FAF2: variants seen among roughly 807,000 people sequenced by gnomAD.
The protein encoded by FAF2 is FAS-associated factor 2.
FAF2 carries 9 observed loss-of-function variants against 62.3 expected under a neutral mutation model. The ratio of observed to expected loss-of-function variants is 0.14; its 90% CI spans 0.09 to 0.25. FAF2 has a LOEUF of 0.25. Ranked by LOEUF, FAF2 falls within the 10% of genes least tolerant of loss-of-function variation. The pLI is 1.00. For missense variants in FAF2, 368 were observed against 556.2 expected (o/e 0.66, Z 3.40); for synonymous variants, 202 against 198.0 (o/e 1.02, Z -0.17).
chr5:176,477,389 G>C (rs928532765), intron 1 of FAF2, among the ~76,000 whole-genome samples: 3 of 151,886 alleles, frequency 2.0e-5, no homozygotes, highest in Admixed American at 6.6e-5. Context: ...GCCTGGCCTA[G>C]AGTCCAATTC....
chr5:176,484,358 C>G (rs976071142), intron 2 of FAF2, among the ~76,000 whole-genome samples: 1 of 152,208 alleles, frequency 6.6e-6, no homozygotes, highest in Non-Finnish European at 1.5e-5. Context: ...TGAAATCTCA[C>G]TCTGTCCCAT....
At chr5:176,487,033 G>A (rs1297259244) in intron 3 of FAF2, among the ~76,000 whole-genome samples, 5 of 152,188 alleles carry the variant, frequency 3.3e-5, no homozygotes, top group Non-Finnish European at 5.9e-5. Flanking sequence ...CTAAAGAACT[G>A]CTTGGACTTT....
At chr5:176,460,743 G>T (rs1758364469) in intron 1 of FAF2, among the ~76,000 whole-genome samples, 2 of 152,028 alleles carry the variant, frequency 1.3e-5, no homozygotes, top group Non-Finnish European at 1.5e-5. Context: ...TTGAGCTTAG[G>T]AGTTTGAGAC....
At chr5:176,475,498 CG>C (rs1485986751) in intron 1 of FAF2, among the ~76,000 whole-genome samples, 1 of 152,140 alleles carries the variant, frequency 6.6e-6, no homozygotes, top group African/African-American at 2.4e-5. Flanking sequence ...CAATACCAGC[CG>C]GGCACGGTGG....
At chr5:176,476,818 T>TTC (rs1264546084) in intron 1 of FAF2, among the ~76,000 whole-genome samples, 106 of 141,886 alleles carry the variant, frequency 7.5e-4, no homozygotes, top group Middle Eastern at 3.5e-3. Context: ...TTTTTTTTTT[T>TTC]TTTTTTTTTG....
intron 1 of FAF2, among the ~76,000 whole-genome samples, chr5:176,463,590 T>C (rs1758416527): frequency 1.3e-5 from 2 of 152,078 alleles, no homozygotes; most frequent in Admixed American, 6.6e-5. Context: ...AGCTAACCTG[T>C]TTTAATCTGC....
chr5:176,452,121 G>C (rs969612242), intron 1 of FAF2, among the ~76,000 whole-genome samples: 1 of 150,782 alleles, frequency 6.6e-6, no homozygotes, highest in Non-Finnish European at 1.5e-5. Context: ...GCAGTGGTGC[G>C]ATCTCGGCTC....
At chr5:176,500,237 T>A in intron 10 of FAF2, 91 bp downstream of exon 10, 1 of 1,233,666 alleles carries the variant, frequency 8.1e-7, no homozygotes, top group Non-Finnish European at 1.2e-6. Context: ...TGTTGGTGTA[T>A]CTGCTGCTCT....
chr5:176,448,605 C>A, intron 1 of FAF2, 135 bp downstream of exon 1: 1 of 862,994 alleles, frequency 1.2e-6, no homozygotes, highest in Non-Finnish European at 1.8e-6. Flanking sequence ...CCCCAGACTC[C>A]AACTGCCCTG....
intron 2 of FAF2, among the ~76,000 whole-genome samples, chr5:176,480,229 A>T (rs1442801467): frequency 6.6e-6 from 1 of 151,922 alleles, no homozygotes; most frequent in East Asian, 1.9e-4. Context: ...ATCCCAAATT[A>T]CTGTTTTAAT....
chr5:176,492,247 T>A lies in FAF2; in HGVS notation c.398T>A (p.Val133Asp), dbSNP rs777987739. ...PDPRSRVTDPVGDIVSFMHSF... is the reference protein window; with the variant it reads ...PDPRSRVTDPDGDIVSFMHSF... ...CCTCGCAGCCGGGTCACTGACCCCGTTGGGGACATTGTTTCATTTATGCAC... is the reference window on the plus strand; with the variant it reads ...CCTCGCAGCCGGGTCACTGACCCCGATGGGGACATTGTTTCATTTATGCAC... The change falls in exon 5 of 11, where the codon GTT becomes GAT. Residue 133 changes from valine to aspartate, a missense_variant. Physicochemically the swap from Val to Asp is radical, Grantham distance 152. This residue lies in a region of FAF2 where 331 missense variants were observed against 441.9 expected (regional missense o/e 0.75). Coordinates refer to ENST00000261942, the MANE Select transcript of FAF2 (RefSeq NM_014613.3). The A allele has an allele frequency of 6.2e-7, 1 of 1,614,162 alleles. No individual in the cohort carries two copies. The highest frequency in any genetic ancestry group is 8.5e-7 in the Non-Finnish European group (1 of 1,179,996).
rs754047046 is a variant in FAF2, at chr5:176,494,036, T to C, written c.521T>C (p.Leu174Ser). The C allele has an allele frequency of 6.2e-7, 1 of 1,614,078 alleles. No homozygotes were observed. The highest frequency in any genetic ancestry group is 8.5e-7 in the Non-Finnish European group (1 of 1,179,956). Residue 174 changes from leucine (L) to serine (S), a missense_variant, in exon 6 of 11, where the codon TTG becomes TCG. Physicochemically the swap from Leu to Ser is moderately radical, Grantham distance 145. Coordinates refer to ENST00000261942, the MANE Select transcript of FAF2 (RefSeq NM_014613.3). The surrounding 1 kb of genome is among the most constrained non-coding windows in gnomAD (Gnocchi z 4.0). ...NDAKRELRFL[L>S]VYLHGDDHQD... ...GCCAAAAGGGAGCTTCGCTTTCTTT[T>C]GGTTTATCTTCATGGAGATGATCAC...
At chr5:176,492,773 A>C (rs79591921) in intron 5 of FAF2, among the ~76,000 whole-genome samples, 1 of 152,174 alleles carries the variant, frequency 6.6e-6, no homozygotes, top group African/African-American at 2.4e-5. Flanking sequence ...CTAGAATACT[A>C]ATCTTTCCCT....
intron 1 of FAF2, among the ~76,000 whole-genome samples, chr5:176,459,500 A>G (rs939279673): frequency 5.3e-5 from 8 of 152,094 alleles, no homozygotes. Flanking sequence ...CCTGGGCTCA[A>G]GCGATCTGCC....
rs1341075381 is a variant in FAF2 at position 176,509,950 on chromosome 5, CTTG to C, written c.*3002_*3004del. 6.6e-6 allele frequency: 1 copy of C among 152,670 alleles called. No individual in the cohort carries two copies. Among genetic ancestry groups the C allele is most frequent in the Non-Finnish European group, 1.5e-5 (1 of 68,048 alleles). 9.5% of individuals were successfully genotyped at this position (152,670 alleles called of 1,614,324 possible). A position where few individuals can be genotyped will look rare whatever the true frequency, so the allele number is the denominator to read the frequency against. On this transcript the variant is annotated 3_prime_UTR_variant, in exon 11 of 11. Transcript: ENST00000261942. ...ATCCACAAAGGATGCAGTGCCCCAA[CTTG>C]TACTGCGCCTGAATAGTCATGTGAT...
In FAF2 at chr5:176,507,780, A is replaced by G. The variant is rs1755710137; in HGVS notation, c.*830A>G. ...GTGGCCCCACAAAGGCTGTATATGT[A>G]AAGATACACCTATGTATGTGGTGGA... On this transcript the variant is annotated 3_prime_UTR_variant, in exon 11 of 11. Transcript: ENST00000261942. The G allele has an allele frequency of 6.5e-6, 1 of 152,962 alleles. No individual in the cohort carries two copies. Among genetic ancestry groups the G allele is most frequent in the Admixed American group, 6.5e-5 (1 of 15,288 alleles). 9.5% of individuals were successfully genotyped at this position (152,962 alleles called of 1,614,324 possible).
chr5:176,453,740 GA>G (rs1022509334), intron 1 of FAF2: 5 of 151,972 alleles, frequency 3.3e-5, no homozygotes, highest in Non-Finnish European at 5.9e-5. Flanking sequence ...TCACTTCTTT[GA>G]ACCTCTTTCA....
rs1010233147 is a variant in FAF2, at chr5:176,479,157, CTAAG to C, written c.64-27_64-24del. The C allele has an allele frequency of 8.8e-6, 14 of 1,597,274 alleles. No individual in the cohort carries two copies. In the African/African-American group the frequency reaches 1.5e-4, roughly 17 times the overall value. On this transcript the variant is annotated intron_variant, in intron 1 of 10. Transcript: ENST00000261942. ...TCACACGTATACTGTTGGTTTTTCT[CTAAG>C]TAACTTGTTTTCATCCTTCTTTTCA...
intron 1 of FAF2, among the ~76,000 whole-genome samples, chr5:176,471,434 G>A (rs554583791): frequency 1.4e-5 from 2 of 146,876 alleles, no homozygotes; most frequent in Admixed American, 1.4e-4. Flanking sequence ...CCAGGCTGGA[G>A]TGCAGTGGTA....
Sources: gnomAD v4.1 joint callset for allele counts (sites outside exome capture counted in the v4.1 genomes callset) on GRCh38, gnomAD v4.1.1 for gene constraint, gnomAD v4.1.1 regional missense constraint, Gnocchi (gnomAD v3.1) non-coding constraint, MANE v1.5 for transcripts, NCBI Gene and HGNC (gene_info 2026-07-23, HGNC 2026-07-21) for gene names.